FRMD4B: variants seen among roughly 807,000 people sequenced by gnomAD.
FRMD4B encodes the protein FERM domain-containing protein 4B.
A neutral mutation model predicts 141.5 loss-of-function variants in FRMD4B; 74 were observed. The ratio of observed to expected loss-of-function variants is 0.52; its 90% CI spans 0.43 to 0.63. The LOEUF is 0.63. FRMD4B is among the 30% of genes least tolerant of loss of function. The pLI is 0.00. For missense variants in FRMD4B, 1,366 were observed against 1,253.4 expected (o/e 1.09, Z -1.36); for synonymous variants, 506 against 467.9 (o/e 1.08, Z -1.05).
intron 1 of FRMD4B, among the ~76,000 whole-genome samples, chr3:69,484,310 C>T (rs1383655673): frequency 6.6e-6 from 1 of 152,158 alleles, no homozygotes; most frequent in Non-Finnish European, 1.5e-5. Flanking sequence ...AGGTGGAGGC[C>T]TGGTTACAAG....
At chr3:69,501,224 C>A (rs928274662) in intron 1 of FRMD4B, among the ~76,000 whole-genome samples, 1 of 139,474 alleles carries the variant, frequency 7.2e-6, no homozygotes, top group African/African-American at 2.7e-5. Context: ...TATGCATGGA[C>A]CTTCTTTTTT....
chr3:69,318,002 C>T (rs912894277), intron 1 of FRMD4B, among the ~76,000 whole-genome samples: 4 of 151,988 alleles, frequency 2.6e-5, no homozygotes, highest in Non-Finnish European at 4.4e-5. Flanking sequence ...GAGATAGTCT[C>T]ACTCTGTCAC....
chr3:69,477,361 A>T (rs201219621), intron 1 of FRMD4B, among the ~76,000 whole-genome samples: 8 of 134,056 alleles, frequency 6.0e-5, no homozygotes, highest in South Asian at 2.4e-4. Context: ...TAGCTCTTAT[A>T]ATTTGAGATA....
rs560820624 is a variant in FRMD4B, at chr3:69,288,001, G to A, written c.417-165C>T. Among the ~76,000 whole-genome samples the A allele has an allele frequency of 2.0e-5, 3 of 152,298 alleles. No individual in the cohort carries two copies. The East Asian group carries it at 5.8e-4, about 29-fold the overall frequency. ...TATGCACCGCACGTATTTATGTGATGGATGTATGTGTATGTATACCTAAAA... is the reference window on the plus strand; with the variant it reads ...TATGCACCGCACGTATTTATGTGATAGATGTATGTGTATGTATACCTAAAA... On this transcript the variant is annotated intron_variant, in intron 4 of 22. Transcript: ENST00000398540.
chr3:69,211,182 C>T (rs1048193248), intron 11 of FRMD4B, among the ~76,000 whole-genome samples: 6 of 152,100 alleles, frequency 3.9e-5, no homozygotes, highest in African/African-American at 1.4e-4. Context: ...ATGATGATGG[C>T]GTATCAGCTA....
chr3:69,180,724 G>A (rs2092697912), intron 21 of FRMD4B, among the ~76,000 whole-genome samples, 175 bp downstream of exon 21: 1 of 152,184 alleles, frequency 6.6e-6, no homozygotes, highest in African/African-American at 2.4e-5. Flanking sequence ...GAGTTCTTTG[G>A]AGAGCTGGAA....
chr3:69,540,636 A>AAAAAAATATATATAT (rs1553652109), intron 1 of FRMD4B, among the ~76,000 whole-genome samples: 2 of 69,540 alleles, frequency 2.9e-5, no homozygotes, highest in African/African-American at 1.7e-4. Flanking sequence ...AAAAAAAAAA[A>AAAAAAATATATATAT]ATATATATAT....
intron 1 of FRMD4B, among the ~76,000 whole-genome samples, chr3:69,322,750 C>T (rs1446473310): frequency 6.6e-6 from 1 of 152,108 alleles, no homozygotes; most frequent in African/African-American, 2.4e-5. Context: ...GCATGTGCCA[C>T]CACACCTGGC....
chr3:69,479,443 T>C (rs1368028382), intron 1 of FRMD4B, among the ~76,000 whole-genome samples: 2 of 152,094 alleles, frequency 1.3e-5, no homozygotes, highest in African/African-American at 4.8e-5. Context: ...CTGTAAAGGA[T>C]TTTATTTCTC....
chr3:69,435,111 T>C (rs1235623511), intron 1 of FRMD4B, among the ~76,000 whole-genome samples: 1 of 152,152 alleles, frequency 6.6e-6, no homozygotes, highest in Non-Finnish European at 1.5e-5. Context: ...TTAGAGACCC[T>C]ATCCACATGC....
chr3:69,401,802 G>A (rs1437878254), intron 2 of FRMD4B, among the ~76,000 whole-genome samples: 3 of 152,104 alleles, frequency 2.0e-5, no homozygotes. Context: ...GCCTGCCTCG[G>A]CCTCCCAAAG....
At chr3:69,463,838 G>A (rs961533057) in intron 1 of FRMD4B, among the ~76,000 whole-genome samples, 1 of 152,210 alleles carries the variant, frequency 6.6e-6, no homozygotes, top group Non-Finnish European at 1.5e-5. Context: ...GGCTCTCTCT[G>A]CACAAAGAAA....
At chr3:69,211,148 T>C (rs1272862450) in intron 11 of FRMD4B, among the ~76,000 whole-genome samples, 2 of 152,184 alleles carry the variant, frequency 1.3e-5, no homozygotes, top group Non-Finnish European at 1.5e-5. Flanking sequence ...TACTCTTTTA[T>C]TGTCTGTCTT....
chr3:69,313,441 G>A lies in FRMD4B; in HGVS notation c.228+11C>T, dbSNP rs1037193312. 2 of 1,556,730 alleles carry A rather than the reference G, an allele frequency of 1.3e-6. No homozygotes were observed. Among genetic ancestry groups the A allele is most frequent in the Non-Finnish European group, 1.7e-6 (2 of 1,146,868 alleles). On this transcript the variant is annotated intron_variant, in intron 2 of 22. Coordinates refer to ENST00000398540, the MANE Select transcript of FRMD4B (RefSeq NM_015123.3). ...ACTTATCTGGGCAACACACATGTGG[G>A]CCACACCTACCTGAACCAGCAGCTC... is the stretch of plus-strand genomic sequence containing the variant.
chr3:69,401,854 G>A (rs1323471683), intron 2 of FRMD4B, among the ~76,000 whole-genome samples: 1 of 152,176 alleles, frequency 6.6e-6, no homozygotes, highest in Non-Finnish European at 1.5e-5. Context: ...CTGGCCGAGA[G>A]CACAAACATC....
chr3:69,362,710 C>CCAA (rs1553730362), intron 1 of FRMD4B, among the ~76,000 whole-genome samples: 3 of 148,214 alleles, frequency 2.0e-5, no homozygotes, highest in African/African-American at 7.5e-5. Flanking sequence ...ACCCCCCCCC[C>CCAA]AAAAAAACAA....
intron 17 of FRMD4B, among the ~76,000 whole-genome samples, chr3:69,192,879 G>A (rs1177044387): frequency 1.3e-5 from 2 of 151,694 alleles, no homozygotes; most frequent in East Asian, 3.9e-4. Context: ...GTGCAGTGGT[G>A]CAATCATAGT....
intron 1 of FRMD4B, among the ~76,000 whole-genome samples, chr3:69,514,078 A>G (rs1377886760): frequency 3.3e-5 from 5 of 152,190 alleles, no homozygotes; most frequent in Non-Finnish European, 7.3e-5. Flanking sequence ...AAAAAGAAAT[A>G]AAAGGCATCC....
At chr3:69,368,384 AG>A (rs1373827208) in intron 1 of FRMD4B, among the ~76,000 whole-genome samples, 2 of 152,258 alleles carry the variant, frequency 1.3e-5, no homozygotes, top group Non-Finnish European at 2.9e-5. Flanking sequence ...AACATCTATT[AG>A]AACAGACTGA....
Sources: allele counts gnomAD v4.1 joint callset (sites outside exome capture counted in the v4.1 genomes callset), GRCh38; gene constraint gnomAD v4.1.1; transcripts MANE v1.5; gene names NCBI Gene and HGNC (gene_info 2026-07-23, HGNC 2026-07-21).